The following NOL4 variants were observed in gnomAD, a reference collection of about 807,000 sequenced individuals.
NOL4 encodes cancer/testis antigen 125.
A neutral mutation model predicts 75.9 loss-of-function variants in NOL4; 17 were observed. The observed-to-expected ratio is 0.22, with a 90% CI of 0.15 to 0.34. The LOEUF is 0.34. Among genes scored for constraint, NOL4 ranks in the 10% least tolerant of loss-of-function variants. The pLI, the probability that NOL4 is intolerant of heterozygous loss-of-function variation, is 1.00. For missense variants in NOL4, 614 were observed against 793.5 expected, an observed-to-expected ratio of 0.77 and a Z score of 2.72; for synonymous variants, 292 against 289.9, an observed-to-expected ratio of 1.01 and a Z score of -0.07.
At chr18:34,065,340 A>G (rs1342552669) in intron 5 of NOL4, among the ~76,000 whole-genome samples, 1 of 151,962 alleles carries the variant, frequency 6.6e-6, no homozygotes, top group Non-Finnish European at 1.5e-5. Context: ...AAGAACCAGT[A>G]AGAGCTTATT....
At chr18:34,055,851 A>C (rs910134896) in intron 5 of NOL4, among the ~76,000 whole-genome samples, 1 of 151,836 alleles carries the variant, frequency 6.6e-6, no homozygotes, top group Non-Finnish European at 1.5e-5. Flanking sequence ...TCCTGTCTTA[A>C]AGTTCACTGA....
chr18:34,163,619 T>C (rs1291567164), intron 1 of NOL4, among the ~76,000 whole-genome samples: 1 of 152,198 alleles, frequency 6.6e-6, no homozygotes, highest in African/African-American at 2.4e-5. Flanking sequence ...GAACATTCCA[T>C]GCTCATGGGT....
intron 6 of NOL4, among the ~76,000 whole-genome samples, chr18:33,964,949 G>A (rs1014975947): frequency 6.6e-6 from 1 of 152,114 alleles, no homozygotes; most frequent in Non-Finnish European, 1.5e-5. Context: ...CAAATAAAAT[G>A]TGTAACCCTT....
chr18:34,028,546 A>G (rs1036987592), intron 5 of NOL4, among the ~76,000 whole-genome samples: 2 of 152,238 alleles, frequency 1.3e-5, no homozygotes, highest in Non-Finnish European at 2.9e-5. Context: ...CCAAAGGGCA[A>G]TGAAACCACA....
chr18:33,926,841 G>A (rs909169293), intron 9 of NOL4, among the ~76,000 whole-genome samples: 2 of 152,200 alleles, frequency 1.3e-5, no homozygotes, highest in African/African-American at 2.4e-5. Context: ...CTCGTGGTCC[G>A]CCCTCCTTGG....
chr18:34,098,996 A>G (rs767183454), intron 4 of NOL4, among the ~76,000 whole-genome samples: 6 of 152,184 alleles, frequency 3.9e-5, no homozygotes, highest in Non-Finnish European at 5.9e-5. Context: ...GTACATAAAA[A>G]GAGTAATTTA....
At position 33,977,756 on chromosome 18, in the gene NOL4, T is replaced by C. The variant is rs114555076; in HGVS notation, c.1057-19338A>G. Reference sequence around the variant, plus strand: ...ATTCTTAAATTAAATTATATGTTCATATATGTATTGGTCAGTATAATGCTA... The same window carrying C: ...ATTCTTAAATTAAATTATATGTTCACATATGTATTGGTCAGTATAATGCTA... On this transcript the variant is annotated intron_variant, in intron 6 of 10. Transcript: ENST00000261592. Among the ~76,000 whole-genome samples, 644 of 152,330 alleles carry C rather than the reference T, an allele frequency of 4.2e-3. 8 individuals carry two copies. Among genetic ancestry groups the C allele is most frequent in the African/African-American group, 0.015 (625 of 41,572 alleles).
intron 9 of NOL4, among the ~76,000 whole-genome samples, chr18:33,885,356 A>T (rs1233585986): frequency 6.6e-6 from 1 of 152,154 alleles, no homozygotes; most frequent in Non-Finnish European, 1.5e-5. Flanking sequence ...TCTGCACAGC[A>T]AAGGATACAA....
chr18:33,996,935 T>C (rs1568188858), intron 6 of NOL4, among the ~76,000 whole-genome samples: 1 of 151,926 alleles, frequency 6.6e-6, no homozygotes, highest in Non-Finnish European at 1.5e-5. Flanking sequence ...TACCCAGTAA[T>C]GGGATTACTG....
intron 9 of NOL4, among the ~76,000 whole-genome samples, chr18:33,904,178 G>C (rs2065898841): frequency 6.6e-6 from 1 of 152,042 alleles, no homozygotes; most frequent in Admixed American, 6.6e-5. Flanking sequence ...CTAGCTTTAA[G>C]TCATTTGGGT....
At chr18:34,014,423 A>G (rs1213227295) in intron 6 of NOL4, among the ~76,000 whole-genome samples, 1 of 152,042 alleles carries the variant, frequency 6.6e-6, no homozygotes, top group Non-Finnish European at 1.5e-5. Flanking sequence ...ATATTTAACC[A>G]TATAAAGTAA....
At chr18:33,970,292 C>T (rs1283001036) in intron 6 of NOL4, among the ~76,000 whole-genome samples, 3 of 152,102 alleles carry the variant, frequency 2.0e-5, no homozygotes, top group Non-Finnish European at 1.5e-5. Flanking sequence ...TACAACAAAA[C>T]AGTATATATG....
intron 6 of NOL4, among the ~76,000 whole-genome samples, chr18:34,004,661 G>A (rs2073931599): frequency 6.6e-6 from 1 of 151,994 alleles, no homozygotes; most frequent in South Asian, 2.1e-4. Context: ...CTGAGTTAAA[G>A]AGAGATTAAC....
At chr18:34,158,399 A>G (rs1015677836) in intron 1 of NOL4, among the ~76,000 whole-genome samples, 1 of 152,192 alleles carries the variant, frequency 6.6e-6, no homozygotes, top group African/African-American at 2.4e-5. Flanking sequence ...GTAGTCGAAT[A>G]TTTAATTTAC....
chr18:34,048,494 A>T, intron 5 of NOL4: 1 of 985,404 alleles, frequency 1.0e-6, no homozygotes, highest in Non-Finnish European at 1.2e-6. Flanking sequence ...CAATTCTATC[A>T]TTGCAGATCC....
chr18:33,937,046 G>A (rs889828931), intron 9 of NOL4, among the ~76,000 whole-genome samples: 3 of 151,950 alleles, frequency 2.0e-5, no homozygotes, highest in Admixed American at 1.3e-4. Context: ...CTCTAAATGC[G>A]AAATCTGGCT....
chr18:34,139,560 T>G (rs1369088275), intron 1 of NOL4, among the ~76,000 whole-genome samples: 1 of 152,206 alleles, frequency 6.6e-6, no homozygotes, highest in East Asian at 1.9e-4. Context: ...TATTTGATTC[T>G]TCTCTCTTTT....
intron 10 of NOL4, among the ~76,000 whole-genome samples, chr18:33,861,744 A>T (rs2063145645): frequency 6.6e-6 from 1 of 152,154 alleles, no homozygotes; most frequent in Non-Finnish European, 1.5e-5. Flanking sequence ...GGAGAACTAC[A>T]AACCACTGCT....
chr18:33,956,132 G>T (rs1190729871), intron 8 of NOL4, among the ~76,000 whole-genome samples: 2 of 152,034 alleles, frequency 1.3e-5, no homozygotes, highest in African/African-American at 4.8e-5. Flanking sequence ...CTATTACTAT[G>T]AATTTAAGAT....
Sources: gnomAD v4.1 joint callset for allele counts (sites outside exome capture counted in the v4.1 genomes callset) on GRCh38, gnomAD v4.1.1 for gene constraint, MANE v1.5 for transcripts, NCBI Gene and HGNC (gene_info 2026-07-23, HGNC 2026-07-21) for gene names.